The following CAT variants were observed in gnomAD, a reference collection of about 807,000 sequenced individuals.
CAT encodes epididymis secretory sperm binding protein.
CAT carries 43 observed loss-of-function variants against 59.0 expected under a neutral mutation model. The ratio of observed to expected loss-of-function variants is 0.73; its 90% CI spans 0.57 to 0.94. The LOEUF is 0.94. Among genes scored for constraint, CAT ranks in the 40% least tolerant of loss-of-function variants. The probability of loss-of-function intolerance (pLI) is 0.00; values close to 1 mark genes in which losing one functional copy is unlikely to be tolerated. For missense variants in CAT, 664 were observed against 682.9 expected, an observed-to-expected ratio of 0.97 and a Z score of 0.31; for synonymous variants, 218 against 230.9, an observed-to-expected ratio of 0.94 and a Z score of 0.51.
At chr11:34,471,248 A>G in intron 12 of CAT, 120 bp from the exon 13 acceptor site, 1 of 938,594 alleles carries the variant, frequency 1.1e-6, no homozygotes, top group Non-Finnish European at 1.7e-6. Context: ...GCAATTTAAG[A>G]CAGTTAAAGT....
intron 8 of CAT, among the ~76,000 whole-genome samples, chr11:34,457,699 T>C (rs529349625): frequency 5.9e-5 from 9 of 152,312 alleles, no homozygotes; most frequent in Admixed American, 5.2e-4. Context: ...GAGTGAAAAA[T>C]TGTACTTTGG....
chr11:34,451,648 A>T (rs1856524780), intron 3 of CAT, among the ~76,000 whole-genome samples: 1 of 152,216 alleles, frequency 6.6e-6, no homozygotes, highest in East Asian at 1.9e-4. Flanking sequence ...AATACTGTGG[A>T]ATGTAAAAAT....
chr11:34,461,212 A>G (rs1856645764), intron 8 of CAT, 39 bp from the exon 9 acceptor site: 1 of 1,609,694 alleles, frequency 6.2e-7, no homozygotes, highest in Non-Finnish European at 8.5e-7. Context: ...GTTATATGTT[A>G]CTGCCCCTAG....
chr11:34,462,717 T>A (rs1349079823), intron 9 of CAT, among the ~76,000 whole-genome samples: 1 of 152,118 alleles, frequency 6.6e-6, no homozygotes, highest in Non-Finnish European at 1.5e-5. Flanking sequence ...CGCGCCTGGC[T>A]TGATTGTAAA....
chr11:34,460,446 CTTTTTTTTT>C (rs149180752), intron 8 of CAT, among the ~76,000 whole-genome samples: 2 of 84,534 alleles, frequency 2.4e-5, no homozygotes, highest in Non-Finnish European at 4.4e-5. Flanking sequence ...GTGGGCGGTA[CTTTTTTTTT>C]TTTTTTTTTT....
chr11:34,446,520 C>A (rs1590299465), intron 1 of CAT, among the ~76,000 whole-genome samples: 1 of 152,310 alleles, frequency 6.6e-6, no homozygotes, highest in East Asian at 1.9e-4. Flanking sequence ...ATTTATCCAA[C>A]TCTGCACCTG....
chr11:34,453,999 G>A, intron 6 of CAT, 73 bp downstream of exon 6: 2 of 1,521,666 alleles, frequency 1.3e-6, no homozygotes, highest in African/African-American at 2.7e-5. Context: ...GAAGGATTGA[G>A]CAAAGATTAA....
At chr11:34,462,761 G>A (rs1238211320) in intron 9 of CAT, among the ~76,000 whole-genome samples, 2 of 152,200 alleles carry the variant, frequency 1.3e-5, no homozygotes, top group African/African-American at 4.8e-5. Context: ...CTGAAGCTCA[G>A]TGAAAGAGCT....
chr11:34,449,473 G>C, intron 2 of CAT, 110 bp downstream of exon 2: 1 of 910,344 alleles, frequency 1.1e-6, no homozygotes, highest in Non-Finnish European at 1.7e-6. Context: ...ATCTCCATTT[G>C]TGGGAGAAAG....
At chr11:34,464,355 G>A (rs1856689086) in intron 10 of CAT, 120 bp downstream of exon 10, 3 of 1,055,782 alleles carry the variant, frequency 2.8e-6, no homozygotes, top group Non-Finnish European at 1.5e-6. Context: ...TGAATTCAAG[G>A]AAGACTCATC....
At chr11:34,454,504 A>G (rs1856566357) in intron 6 of CAT, among the ~76,000 whole-genome samples, 1 of 152,198 alleles carries the variant, frequency 6.6e-6, no homozygotes, top group African/African-American at 2.4e-5. Flanking sequence ...CTGTTTCCAA[A>G]TACTGCTGCT....
rs1280220174 is a variant in CAT at position 34,449,259 on chromosome 11, G to A, written c.134G>A (p.Gly45Glu). 1.2e-6 allele frequency: 2 copies of A among 1,613,588 alleles called. No homozygotes were observed. Among genetic ancestry groups the A allele is most frequent in the African/African-American group, 2.7e-5 (2 of 74,912 alleles). The change falls in exon 2 of 13, where the codon GGG becomes GAG. Residue 45 changes from glycine (G) to glutamate (E), a missense_variant. Gly to Glu is a moderately conservative substitution (Grantham distance 98). Coordinates refer to ENST00000241052, the MANE Select transcript of CAT (RefSeq NM_001752.4). ...VGDKLNVITV[G>E]PRGPLLVQDV... ...GACAAACTTAATGTTATTACAGTAG[G>A]GCCCCGTGGGCCCCTTCTTGTTCAG...
At chr11:34,463,983 T>G (rs183780852) in intron 9 of CAT, 122 bp from the exon 10 acceptor site, 95 of 937,942 alleles carry the variant, frequency 1.0e-4, no homozygotes, top group Middle Eastern at 4.2e-4. Flanking sequence ...TGTGTTTATA[T>G]CTGTGTATGT....
At position 34,445,481 on chromosome 11, in the gene CAT, G is replaced by A. The variant is rs1380414770; in HGVS notation, c.67-3711G>A. Among the ~76,000 whole-genome samples, 5 of 106,290 alleles carry A rather than the reference G, an allele frequency of 4.7e-5. No individual in the cohort carries two copies. In the Admixed American group the frequency reaches 6.7e-4, roughly 14 times the overall value. The allele number at this position is 106,290 out of a possible 152,430, so 69.7% of individuals were successfully genotyped here. ...ACTGCACTCCAGCCTGGGCAATAGA[G>A]CGAGACTCCATCTCAAAAAAAAAAA... On this transcript the variant is annotated intron_variant, in intron 1 of 12. Coordinates refer to ENST00000241052, the MANE Select transcript of CAT (RefSeq NM_001752.4).
chr11:34,452,086 C>T lies in CAT; in HGVS notation c.359C>T (p.Ser120Leu), dbSNP rs199907152. 6.2e-6 allele frequency: 10 copies of T among 1,613,856 alleles called. No individual in the cohort carries two copies. Among genetic ancestry groups the T allele is most frequent in the Middle Eastern group, 1.7e-4 (1 of 6,054 alleles). ...CATTTGAATATTGTAGCTGGAGAAT[C>T]GGGTTCAGCTGACACAGTTCGGGAC... ...AVRFSTVAGE[S>L]GSADTVRDPR... The change falls in exon 4 of 13, where the codon TCG (serine) becomes TTG (leucine). Residue 120 changes from serine (S) to leucine (L), a missense_variant. Ser to Leu is a moderately radical substitution (Grantham distance 145). Transcript: ENST00000241052.
Position 34,453,141 on chromosome 11 carries a change from G to C in CAT, c.532G>C (p.Asp178His), listed in dbSNP as rs529144536. 1 of 1,613,674 alleles carries C rather than the reference G, an allele frequency of 6.2e-7. No homozygotes were observed. The highest frequency in any genetic ancestry group is 1.1e-5 in the South Asian group (1 of 91,058). ...QKRNPQTHLK[D>H]PDMVWDFWSL... ...GAGAAATCCTCAGACACATCTGAAG[G>C]ATCCGGACATGGTCTGGGACTTCTG... The change falls in exon 5 of 13, where the codon GAT becomes CAT. Residue 178 changes from aspartate to histidine, a missense_variant. Coordinates refer to ENST00000241052, the MANE Select transcript of CAT (RefSeq NM_001752.4).
intron 1 of CAT, among the ~76,000 whole-genome samples, chr11:34,448,612 C>T (rs1856486702): frequency 6.6e-6 from 1 of 152,044 alleles, no homozygotes; most frequent in Admixed American, 6.5e-5. Context: ...TACTATAATC[C>T]ACCTTACCAG....
In CAT at chr11:34,470,983, C is replaced by A; in HGVS notation, c.1460C>A (p.Pro487His). 1 of 1,614,168 alleles carries A rather than the reference C, an allele frequency of 6.2e-7. No individual in the cohort carries two copies. The highest frequency in any genetic ancestry group is 1.1e-5 in the South Asian group (1 of 91,074). Residue 487 changes from proline to histidine, a missense_variant, in exon 12 of 13, where the codon CCT (proline) becomes CAT (histidine). Physicochemically the swap from Pro to His is moderately conservative, Grantham distance 77 (BLOSUM62 -2). Transcript: ENST00000241052. ...KAVKNFTEVH[P>H]DYGSHIQALL... The stretch of plus-strand genomic sequence containing the variant: ...GTCAAGAACTTCACTGAGGTCCACC[C>A]TGACTACGGGAGCCACATCCAGGCT...
At chr11:34,448,977 T>C (rs539480602) in intron 1 of CAT, among the ~76,000 whole-genome samples, 57 of 152,354 alleles carry the variant, frequency 3.7e-4, no homozygotes, top group African/African-American at 1.3e-3. Context: ...AGCAAGTTTC[T>C]TAGCAGATTA....
Sources: allele counts gnomAD v4.1 joint callset (sites outside exome capture counted in the v4.1 genomes callset), GRCh38; gene constraint gnomAD v4.1.1; transcripts MANE v1.5; gene names NCBI Gene and HGNC (gene_info 2026-07-23, HGNC 2026-07-21).